Variants in JAKMIP2 observed in about 807,000 individuals in gnomAD.
JAKMIP2 encodes janus kinase and microtubule-interacting protein 2.
A neutral mutation model predicts 115.0 loss-of-function variants in JAKMIP2; 25 were observed. That is an observed-to-expected ratio of 0.22 (90% CI 0.16 to 0.30). JAKMIP2 has a LOEUF of 0.30. Among genes scored for constraint, JAKMIP2 ranks in the 10% least tolerant of loss-of-function variants. The pLI is 1.00. For missense variants in JAKMIP2, 642 were observed against 957.6 expected (o/e 0.67, Z 4.35); for synonymous variants, 334 against 343.6 (o/e 0.97, Z 0.31).
At chr5:147,640,294 T>C (rs761536810) in intron 9 of JAKMIP2, among the ~76,000 whole-genome samples, 1 of 152,124 alleles carries the variant, frequency 6.6e-6, no homozygotes, top group African/African-American at 2.4e-5. Context: ...AGGAGTTGCA[T>C]GGTAGAGTCC....
chr5:147,677,903 A>G (rs1164666657), intron 1 of JAKMIP2, among the ~76,000 whole-genome samples: 2 of 152,186 alleles, frequency 1.3e-5, no homozygotes, highest in Non-Finnish European at 2.9e-5. Context: ...ACCATGTTAT[A>G]CAACAGATCT....
chr5:147,629,616 C>T (rs1460226372), intron 15 of JAKMIP2, 77 bp downstream of exon 15: 14 of 989,848 alleles, frequency 1.4e-5, no homozygotes, highest in East Asian at 4.8e-5. Flanking sequence ...TCTTACTTTA[C>T]ACATGATGCA....
intron 1 of JAKMIP2, among the ~76,000 whole-genome samples, chr5:147,735,720 G>A (rs1753898775): frequency 6.6e-6 from 1 of 152,162 alleles, no homozygotes; most frequent in Non-Finnish European, 1.5e-5. Context: ...ATGATTTATT[G>A]TTAATGATTA....
intron 4 of JAKMIP2, among the ~76,000 whole-genome samples, chr5:147,648,679 G>A (rs1022376726): frequency 4.6e-5 from 7 of 152,250 alleles, no homozygotes; most frequent in African/African-American, 7.2e-5. Context: ...ACCACGCCAG[G>A]TTGTAATTGC....
chr5:147,684,761 A>T (rs1289711908), intron 1 of JAKMIP2, among the ~76,000 whole-genome samples: 1 of 152,168 alleles, frequency 6.6e-6, no homozygotes, highest in Non-Finnish European at 1.5e-5. Context: ...TTTTCTAAGA[A>T]GGGCTAATCT....
intron 20 of JAKMIP2, among the ~76,000 whole-genome samples, chr5:147,604,966 C>T (rs940401139): frequency 2.0e-5 from 3 of 151,712 alleles, no homozygotes; most frequent in African/African-American, 7.3e-5. Flanking sequence ...CTAATGCTAT[C>T]CCTCCCCTTG....
At position 147,586,489 on chromosome 5, in the gene JAKMIP2, C is replaced by A. The variant is rs953427920; in HGVS notation, c.*5218G>T. 9 of 152,076 alleles carry A rather than the reference C, an allele frequency of 5.9e-5. No homozygotes were observed. The East Asian group carries it at 1.7e-3, about 30-fold the overall frequency. The allele number at this position is 152,076 out of a possible 1,614,324, so 9.4% of individuals were successfully genotyped here. ...CCACTCTTTAGTAAGTTCGTGGGAT[C>A]TTGATTGTGGGCAAAATTGGGCTCA... On this transcript the variant is annotated 3_prime_UTR_variant, in exon 22 of 22. Transcript: ENST00000616793.
chr5:147,590,351 T>C lies in JAKMIP2; in HGVS notation c.*1356A>G, dbSNP rs1755051429. On this transcript the variant is annotated 3_prime_UTR_variant, in exon 22 of 22. Coordinates refer to ENST00000616793, the MANE Select transcript of JAKMIP2 (RefSeq NM_001270941.2). ...AAAATTAGCTTTTCAGGAACATACATTTGCTCTCAGAGATGACTCCAAGAC... is the reference window on the plus strand; with the variant it reads ...AAAATTAGCTTTTCAGGAACATACACTTGCTCTCAGAGATGACTCCAAGAC... 1 of 152,162 alleles carries C rather than the reference T, an allele frequency of 6.6e-6. No individual in the cohort carries two copies. The highest frequency in any genetic ancestry group is 2.4e-5 in the African/African-American group (1 of 41,446). The allele number at this position is 152,162 out of a possible 1,614,324, so 9.4% of individuals were successfully genotyped here. A position where few individuals can be genotyped will look rare whatever the true frequency, so the allele number is the denominator to read the frequency against.
At chr5:147,642,693 G>T (rs1232332245) in intron 7 of JAKMIP2, among the ~76,000 whole-genome samples, 1 of 151,528 alleles carries the variant, frequency 6.6e-6, no homozygotes, top group Admixed American at 6.6e-5. Context: ...AAGTAAAAAT[G>T]CAGCCTCTAT....
At chr5:147,672,479 A>G (rs1759662644) in intron 1 of JAKMIP2, among the ~76,000 whole-genome samples, 1 of 152,204 alleles carries the variant, frequency 6.6e-6, no homozygotes, top group Non-Finnish European at 1.5e-5. Context: ...ATCAGTCAAT[A>G]TTGTTAGAGC....
intron 1 of JAKMIP2, among the ~76,000 whole-genome samples, chr5:147,746,739 A>C (rs1754359495): frequency 6.6e-6 from 1 of 152,140 alleles, no homozygotes; most frequent in Non-Finnish European, 1.5e-5. Context: ...TTTTCTAAAA[A>C]TGGTTATTAC....
In JAKMIP2 at chr5:147,631,506, T is replaced by C. The variant is rs1757347712; in HGVS notation, c.1782A>G (p.Arg594=). Residue 594 remains arginine (R), a synonymous_variant, in exon 14 of 22, where the codon AGA becomes AGG. Transcript: ENST00000616793. ...LEFRNLELEE[R]ERRSPPFNLQ... is the part of the protein sequence containing the mutation. ...GATTAAATGGAGGGGATCGTCTCTC[T>C]CTCTCCTTGAAACACAGTGAAGAAT... 1 of 1,600,060 alleles carries C rather than the reference T, an allele frequency of 6.2e-7. No homozygotes were observed. The highest frequency in any genetic ancestry group is 2.2e-5 in the East Asian group (1 of 44,742).
At chr5:147,613,380 G>T (rs1756424079) in intron 19 of JAKMIP2, among the ~76,000 whole-genome samples, 1 of 152,078 alleles carries the variant, frequency 6.6e-6, no homozygotes, top group Non-Finnish European at 1.5e-5. Context: ...TAATGCAATG[G>T]TAGGAGAAAA....
chr5:147,678,434 C>G (rs1760089629), intron 1 of JAKMIP2, among the ~76,000 whole-genome samples: 1 of 152,154 alleles, frequency 6.6e-6, no homozygotes, highest in Non-Finnish European at 1.5e-5. Context: ...AATATAATGT[C>G]CTCTGGGTCC....
intron 1 of JAKMIP2, among the ~76,000 whole-genome samples, chr5:147,772,854 GA>G (rs1257818094): frequency 6.6e-6 from 1 of 151,936 alleles, no homozygotes; most frequent in African/African-American, 2.4e-5. Flanking sequence ...AAAATGGGAA[GA>G]AAAATGCCTA....
intron 1 of JAKMIP2, among the ~76,000 whole-genome samples, chr5:147,696,360 T>C (rs530540969): frequency 6.6e-6 from 1 of 152,048 alleles, no homozygotes; most frequent in African/African-American, 2.4e-5. Context: ...TCTCACAAGA[T>C]CTGATGGTTT....
At chr5:147,614,267 A>G (rs1756468622) in intron 19 of JAKMIP2, among the ~76,000 whole-genome samples, 1 of 152,228 alleles carries the variant, frequency 6.6e-6, no homozygotes, top group South Asian at 2.1e-4. Flanking sequence ...AACTAAATAG[A>G]AAAGGTAAAC....
intron 1 of JAKMIP2, among the ~76,000 whole-genome samples, chr5:147,760,541 T>C (rs971356166): frequency 1.3e-5 from 2 of 152,054 alleles, no homozygotes; most frequent in Non-Finnish European, 2.9e-5. Flanking sequence ...GACTTTAGAA[T>C]TAAGCATCAA....
At chr5:147,690,913 G>A (rs1184003787) in intron 1 of JAKMIP2, among the ~76,000 whole-genome samples, 2 of 152,052 alleles carry the variant, frequency 1.3e-5, no homozygotes, top group East Asian at 3.9e-4. Context: ...TGGGTCCTGG[G>A]AGAAAATGGG....
Sources: allele counts gnomAD v4.1 joint callset (sites outside exome capture counted in the v4.1 genomes callset), GRCh38; gene constraint gnomAD v4.1.1; transcripts MANE v1.5; gene names NCBI Gene and HGNC (gene_info 2026-07-23, HGNC 2026-07-21).